The following CLASP2 variants were observed in gnomAD, a reference collection of about 807,000 sequenced individuals.
CLASP2 encodes CLIP-associating protein 2.
Under a neutral mutation model 194.4 loss-of-function variants are expected in CLASP2, and 47 were observed. The ratio of observed to expected loss-of-function variants is 0.24; its 90% CI spans 0.19 to 0.31. CLASP2 has a LOEUF of 0.31. Ranked by LOEUF, CLASP2 falls within the 10% of genes least tolerant of loss-of-function variation. CLASP2 has a pLI of 1.00. For missense variants in CLASP2, 1,445 were observed against 1,823.6 expected (o/e 0.79, Z 3.78); for synonymous variants, 619 against 633.5 (o/e 0.98, Z 0.34).
chr3:33,577,240 G>A (rs1277192034), intron 23 of CLASP2: 2 of 1,598,076 alleles, frequency 1.3e-6, no homozygotes, highest in Non-Finnish European at 1.7e-6. Flanking sequence ...GAGGGCACCA[G>A]TTGATCTGGA....
chr3:33,671,304 T>C (rs948839674), intron 6 of CLASP2, among the ~76,000 whole-genome samples: 3 of 152,128 alleles, frequency 2.0e-5, no homozygotes, highest in Non-Finnish European at 4.4e-5. Flanking sequence ...AGTAGTTCCT[T>C]TTACCTGATA....
At chr3:33,612,787 C>T (rs2075418959) in intron 12 of CLASP2, among the ~76,000 whole-genome samples, 1 of 151,872 alleles carries the variant, frequency 6.6e-6, no homozygotes, top group South Asian at 2.1e-4. Context: ...TTAGGAAGTG[C>T]CCTTGAAAGA....
chr3:33,628,184 G>A (rs2078394780), intron 9 of CLASP2, among the ~76,000 whole-genome samples: 1 of 152,176 alleles, frequency 6.6e-6, no homozygotes, highest in Non-Finnish European at 1.5e-5. Flanking sequence ...AAGAATGCGT[G>A]TAAATGCAAA....
At chr3:33,602,161 G>A (rs1262630579) in intron 18 of CLASP2, among the ~76,000 whole-genome samples, 3 of 151,944 alleles carry the variant, frequency 2.0e-5, no homozygotes, top group East Asian at 3.9e-4. Flanking sequence ...TTACAGGCAT[G>A]AGCCACCATG....
At chr3:33,684,574 C>T (rs2090348044) in intron 5 of CLASP2, 118 bp from the exon 6 acceptor site, 1 of 534,454 alleles carries the variant, frequency 1.9e-6, no homozygotes, top group Non-Finnish European at 3.2e-6. Flanking sequence ...TTTAATGCCC[C>T]TGCATATATG....
chr3:33,521,528 A>G (rs2053085285), intron 34 of CLASP2, among the ~76,000 whole-genome samples: 1 of 152,198 alleles, frequency 6.6e-6, no homozygotes. Flanking sequence ...AGACAAAACT[A>G]CATTCAGAGA....
intron 7 of CLASP2, among the ~76,000 whole-genome samples, chr3:33,649,513 CAAT>C (rs1177110971): frequency 3.3e-5 from 5 of 152,056 alleles, no homozygotes; most frequent in Non-Finnish European, 7.4e-5. Flanking sequence ...CAAACACAAA[CAAT>C]GATACACACT....
At chr3:33,592,189 G>A (rs1467424581) in intron 21 of CLASP2, 2 of 704,714 alleles carry the variant, frequency 2.8e-6, no homozygotes, top group Admixed American at 4.0e-5. Context: ...CACAACAACT[G>A]ATCCAAAACA....
chr3:33,706,732 C>T (rs1026421395), intron 1 of CLASP2, among the ~76,000 whole-genome samples: 4 of 151,950 alleles, frequency 2.6e-5, no homozygotes, highest in African/African-American at 4.8e-5. Context: ...GATGCCAAGA[C>T]GGGAGGAATG....
intron 8 of CLASP2, chr3:33,644,406 T>C (rs2081922387): frequency 7.0e-6 from 2 of 283,954 alleles, no homozygotes; most frequent in African/African-American, 2.2e-5. Context: ...AACATTTCTG[T>C]AACAGCTATT....
chr3:33,544,162 T>C (rs969935327), intron 31 of CLASP2, among the ~76,000 whole-genome samples: 12 of 152,196 alleles, frequency 7.9e-5, no homozygotes, highest in Admixed American at 5.2e-4. Context: ...AATATATATA[T>C]GTATACACAA....
At chr3:33,608,440 T>C in intron 14 of CLASP2, 127 bp downstream of exon 14, 1 of 747,720 alleles carries the variant, frequency 1.3e-6, no homozygotes, top group Non-Finnish European at 2.3e-6. Context: ...ACCACAGCTT[T>C]AAAGGAAAAC....
intron 14 of CLASP2, among the ~76,000 whole-genome samples, chr3:33,607,727 A>G (rs1226726395): frequency 6.6e-6 from 1 of 152,160 alleles, no homozygotes; most frequent in East Asian, 1.9e-4. Flanking sequence ...ATAGTGTATA[A>G]ATACATAGTA....
rs1397484757 is a variant in CLASP2 at position 33,560,890 on chromosome 3, G to A, written c.2848C>T (p.Leu950=). The A allele has an allele frequency of 3.1e-6, 5 of 1,613,736 alleles. No homozygotes were observed. The highest frequency in any genetic ancestry group is 4.5e-5 in the East Asian group (2 of 44,884). ...CCCATTTTTTTTAGTAGTTGTGTCA[G>A]CAGTACAAACAACCAATCTTGAAGA... The part of the protein sequence containing the change: ...DDLQDWLFVL[L]TQLLKKMGAD... The change falls in exon 28 of 39, where the codon CTG becomes TTG. Residue 950 remains leucine (L), a synonymous_variant. Coordinates refer to ENST00000682230, the MANE Select transcript of CLASP2 (RefSeq NM_001365631.1).
At chr3:33,540,305 T>G (rs1459744795) in intron 32 of CLASP2, among the ~76,000 whole-genome samples, 1 of 147,838 alleles carries the variant, frequency 6.8e-6, no homozygotes, top group Non-Finnish European at 1.5e-5. Context: ...GGTGCAAACA[T>G]AGCTTACTGC....
intron 8 of CLASP2, among the ~76,000 whole-genome samples, chr3:33,643,274 A>C (rs1412362133): frequency 6.6e-6 from 1 of 152,060 alleles, no homozygotes; most frequent in East Asian, 1.9e-4. Context: ...CATCCATTTT[A>C]AGCTAAAAAG....
In CLASP2 at chr3:33,718,098, G is replaced by A; in HGVS notation, c.-96C>T. 1 of 1,305,100 alleles carries A rather than the reference G, an allele frequency of 7.7e-7. No homozygotes were observed. Among genetic ancestry groups the A allele is most frequent in the East Asian group, 2.9e-5 (1 of 34,056 alleles). The allele number at this position is 1,305,100 out of a possible 1,614,324, so 80.8% of individuals were successfully genotyped here. On this transcript the variant is annotated 5_prime_UTR_variant, in exon 1 of 39. Transcript: ENST00000682230. ...TGCGGGTCCCCGCGGGAGCGGGCGG[G>A]ACTCACTTAGCCCGCCAGGGGCGCG...
At chr3:33,573,652 T>C (rs575221085) in intron 24 of CLASP2, among the ~76,000 whole-genome samples, 19 of 152,268 alleles carry the variant, frequency 1.2e-4, no homozygotes, top group Middle Eastern at 3.4e-3. Flanking sequence ...CCTTTCCCCT[T>C]TTCACGAAAA....
chr3:33,588,268 A>G (rs1202059411), intron 21 of CLASP2, among the ~76,000 whole-genome samples: 1 of 152,184 alleles, frequency 6.6e-6, no homozygotes, highest in Non-Finnish European at 1.5e-5. Context: ...TCCCCAGTAA[A>G]GAGCCACCAA....
Sources: allele counts gnomAD v4.1 joint callset (sites outside exome capture counted in the v4.1 genomes callset), GRCh38; gene constraint gnomAD v4.1.1; transcripts MANE v1.5; gene names NCBI Gene and HGNC (gene_info 2026-07-23, HGNC 2026-07-21).